The following PDGFRA variants were observed in gnomAD, a reference collection of about 807,000 sequenced individuals.
PDGFRA encodes the protein platelet derived growth factor receptor alpha.
PDGFRA carries 25 observed loss-of-function variants against 121.5 expected under a neutral mutation model. The observed-to-expected ratio is 0.21, with a 90% CI of 0.15 to 0.29. The LOEUF is 0.29. Among genes scored for constraint, PDGFRA ranks in the 10% least tolerant of loss-of-function variants. The pLI, the probability that PDGFRA is intolerant of heterozygous loss-of-function variation, is 1.00. For synonymous variants in PDGFRA, 463 were observed against 494.8 expected, an observed-to-expected ratio of 0.94 and a Z score of 0.85; for missense variants, 1,008 against 1,345.1, an observed-to-expected ratio of 0.75 and a Z score of 3.92.
rs111854300 is a variant in PDGFRA, at chr4:54,287,688, T to C, written c.2674+147T>C. 4.4e-3 allele frequency: 3,121 copies of C among 704,716 alleles called. 74 individuals are homozygous for C. In the African/African-American group the frequency reaches 0.046, roughly 10 times the overall value. The allele number at this position is 704,716 out of a possible 1,614,324, so 43.7% of individuals were successfully genotyped here. On this transcript the variant is annotated intron_variant, in intron 19 of 22. Coordinates refer to ENST00000257290, the MANE Select transcript of PDGFRA (RefSeq NM_006206.6). The stretch of plus-strand genomic sequence containing the variant: ...TGCAGCCACCTCAAACCACATGTTG[T>C]GCCTTATTGTGTCTGAGATAGGCCC...
chr4:54,276,811 CTT>C (rs1348894259), intron 12 of PDGFRA: 1 of 158,908 alleles, frequency 6.3e-6, no homozygotes, highest in African/African-American at 2.4e-5. Flanking sequence ...GCTTCAGTGT[CTT>C]TACGTATGTC....
chr4:54,282,942 T>G (rs1341824248), intron 16 of PDGFRA, among the ~76,000 whole-genome samples: 2 of 152,212 alleles, frequency 1.3e-5, no homozygotes, highest in Non-Finnish European at 2.9e-5. Context: ...TAAACTCCAT[T>G]GACTCCATAT....
At chr4:54,253,946 A>C (rs1235905054) in intron 1 of PDGFRA, among the ~76,000 whole-genome samples, 2 of 152,160 alleles carry the variant, frequency 1.3e-5, no homozygotes, top group Non-Finnish European at 2.9e-5. Flanking sequence ...TGGCCTCCCA[A>C]AGTGCTGGAA....
At chr4:54,238,404 A>G (rs542254924) in intron 1 of PDGFRA, among the ~76,000 whole-genome samples, 2 of 152,240 alleles carry the variant, frequency 1.3e-5, no homozygotes, top group African/African-American at 2.4e-5. Context: ...TTTTTTTTAA[A>G]CCAGTTTACT....
intron 1 of PDGFRA, among the ~76,000 whole-genome samples, chr4:54,230,865 C>T (rs564274057): frequency 7.2e-5 from 11 of 152,352 alleles, no homozygotes; most frequent in African/African-American, 2.6e-4. Flanking sequence ...TAACTCCGCC[C>T]GGCTGCGCCC....
intron 1 of PDGFRA, among the ~76,000 whole-genome samples, chr4:54,242,331 A>T (rs770310010): frequency 3.9e-5 from 6 of 151,988 alleles, no homozygotes; most frequent in African/African-American, 1.2e-4. Context: ...CTCTTTGGAG[A>T]TACCTCTTGT....
At chr4:54,282,157 G>A (rs1724112874) in intron 16 of PDGFRA, among the ~76,000 whole-genome samples, 1 of 152,100 alleles carries the variant, frequency 6.6e-6, no homozygotes, top group Non-Finnish European at 1.5e-5. Flanking sequence ...GTGGCTGTGT[G>A]TGTGTTTTGT....
intron 22 of PDGFRA, among the ~76,000 whole-genome samples, chr4:54,292,122 G>T (rs1724663577): frequency 6.6e-6 from 1 of 152,194 alleles, no homozygotes; most frequent in African/African-American, 2.4e-5. Context: ...ATTCCCCAAA[G>T]ACCTAGAGGC....
chr4:54,286,051 T>C lies in PDGFRA; in HGVS notation c.2562+88T>C, dbSNP rs1428868081. The C allele has an allele frequency of 5.3e-5, 74 of 1,384,788 alleles. No homozygotes were observed. The South Asian group carries it at 8.0e-4, about 15-fold the overall frequency. 85.8% of individuals were successfully genotyped at this position (1,384,788 alleles called of 1,614,324 possible). On this transcript the variant is annotated intron_variant, in intron 18 of 22. Coordinates refer to ENST00000257290, the MANE Select transcript of PDGFRA (RefSeq NM_006206.6). The stretch of plus-strand genomic sequence containing the variant: ...GTGTTGCTTCTAGAGATTCGGTGCC[T>C]GTTTTTTAAAACATCAATAGATTTC...
chr4:54,266,427 G>A (rs992776642), intron 5 of PDGFRA, among the ~76,000 whole-genome samples: 7 of 71,846 alleles, frequency 9.7e-5, no homozygotes, highest in African/African-American at 3.2e-4. Context: ...TTTTTTTGTT[G>A]TGGAGATGAG....
intron 21 of PDGFRA, 63 bp downstream of exon 21, chr4:54,289,177 G>A (rs1724508004): frequency 1.1e-6 from 1 of 947,948 alleles, no homozygotes; most frequent in Admixed American, 1.8e-5. Context: ...AGTGAGCTGT[G>A]CTGTTCCGCA....
chr4:54,243,733 C>T (rs1453249815), intron 1 of PDGFRA: 1 of 152,676 alleles, frequency 6.5e-6, no homozygotes, highest in Non-Finnish European at 1.5e-5. Context: ...GGGTGCAGCG[C>T]ACCGTGCGCG....
At chr4:54,294,173 T>A (rs1724766806) in intron 22 of PDGFRA, among the ~76,000 whole-genome samples, 1 of 152,068 alleles carries the variant, frequency 6.6e-6, no homozygotes, top group African/African-American at 2.4e-5. Context: ...CCAGTTTTTA[T>A]AACGTGTTTA....
intron 9 of PDGFRA, 88 bp downstream of exon 9, chr4:54,272,608 C>T: frequency 6.8e-7 from 1 of 1,464,556 alleles, no homozygotes; most frequent in South Asian, 1.1e-5. Context: ...TACTTATTGA[C>T]TATAAGATAG....
chr4:54,267,315 A>G lies in PDGFRA; in HGVS notation c.786A>G (p.Glu262=), dbSNP rs775898621. Residue 262 remains glutamate (E), a synonymous_variant, in exon 6 of 23, where the codon GAA becomes GAG. Coordinates refer to ENST00000257290, the MANE Select transcript of PDGFRA (RefSeq NM_006206.6). ...EVKGKGITML[E]EIKVPSIKLV... is the part of the protein sequence containing the mutation. Reference sequence around the variant, plus strand: ...AAGGCAAAGGCATCACAATGCTGGAAGAAATCAAAGTCCCATCCATCAAAT... The same window carrying G: ...AAGGCAAAGGCATCACAATGCTGGAGGAAATCAAAGTCCCATCCATCAAAT... The G allele has an allele frequency of 6.2e-7, 1 of 1,614,218 alleles. No individual in the cohort carries two copies. The highest frequency in any genetic ancestry group is 1.1e-5 in the South Asian group (1 of 91,086).
chr4:54,249,317 A>C (rs1355056036), intron 1 of PDGFRA, among the ~76,000 whole-genome samples: 5 of 152,334 alleles, frequency 3.3e-5, no homozygotes, highest in Non-Finnish European at 7.3e-5. Flanking sequence ...TCATGCTGCT[A>C]TAAAGACACA....
chr4:54,291,274 C>A (rs7697120), intron 22 of PDGFRA, among the ~76,000 whole-genome samples: 4,979 of 152,152 alleles, frequency 0.033, 262 homozygotes, highest in African/African-American at 0.11. Flanking sequence ...TATCATTTCA[C>A]CCATAAATAT....
chr4:54,295,107 C>T lies in PDGFRA; in HGVS notation c.3123-18C>T. On this transcript the variant is annotated intron_variant, in intron 22 of 22. Transcript: ENST00000257290. ...CTGTGCAGGAGTTGTAATATTTGCTCTTCTCTCCCTCCTCCAGCTCGCAGA... is the reference window on the plus strand; with the variant it reads ...CTGTGCAGGAGTTGTAATATTTGCTTTTCTCTCCCTCCTCCAGCTCGCAGA... 1 of 1,613,008 alleles carries T rather than the reference C, an allele frequency of 6.2e-7. No individual in the cohort carries two copies. Among genetic ancestry groups the T allele is most frequent in the Non-Finnish European group, 8.5e-7 (1 of 1,179,032 alleles).
At chr4:54,248,786 C>T (rs11937644) in intron 1 of PDGFRA, among the ~76,000 whole-genome samples, 2 of 152,010 alleles carry the variant, frequency 1.3e-5, no homozygotes, top group African/African-American at 4.8e-5. Context: ...AGGCAACCTA[C>T]AAAATGGGAG....
Sources: gnomAD v4.1 joint callset for allele counts (sites outside exome capture counted in the v4.1 genomes callset) on GRCh38, gnomAD v4.1.1 for gene constraint, MANE v1.5 for transcripts, NCBI Gene and HGNC (gene_info 2026-07-23, HGNC 2026-07-21) for gene names.